The following SIPA1L3 variants were observed in gnomAD, a reference collection of about 807,000 sequenced individuals.
SIPA1L3 encodes the protein signal induced proliferation associated 1 like 3, also known as signal-induced proliferation-associated 1-like protein 3.
Under a neutral mutation model 150.1 loss-of-function variants are expected in SIPA1L3, and 59 were observed. The observed-to-expected ratio is 0.39, with a 90% CI of 0.32 to 0.49. SIPA1L3 has a LOEUF of 0.49. Ranked by LOEUF, SIPA1L3 falls within the 20% of genes least tolerant of loss-of-function variation. The probability of loss-of-function intolerance (pLI) is 0.86; values close to 1 mark genes in which losing one functional copy is unlikely to be tolerated. For missense variants in SIPA1L3, 2,211 were observed against 2,489.5 expected, an observed-to-expected ratio of 0.89 and a Z score of 2.38; for synonymous variants, 1,070 against 1,077.6, an observed-to-expected ratio of 0.99 and a Z score of 0.14.
intron 1 of SIPA1L3, among the ~76,000 whole-genome samples, chr19:37,938,624 C>CTTTTTTTTTTTTTTTTTTTTT (rs759856556): frequency 3.0e-5 from 4 of 131,274 alleles, no homozygotes; most frequent in Non-Finnish European, 4.9e-5. Context: ...TTTCTTTTTT[C>CTTTTTTTTTTTTTTTTTTTTT]TTTTTTTTTT....
At position 38,058,356 on chromosome 19, in the gene SIPA1L3, C is replaced by G. The variant is rs142594477; in HGVS notation, c.-310-22900C>G. On this transcript the variant is annotated intron_variant, in intron 2 of 21. Transcript: ENST00000222345. ...CTGGAGTGCTCATTCCTAACAGTAG[C>G]CTGGCCCCACAACCCCCATTCCCAC... 1.6e-3 allele frequency among the ~76,000 whole-genome samples: 239 copies of G among 152,220 alleles called. 1 individual carries two copies. The highest frequency in any genetic ancestry group is 5.4e-3 in the African/African-American group (224 of 41,538).
intron 1 of SIPA1L3, among the ~76,000 whole-genome samples, chr19:37,942,676 G>A (rs916868737): frequency 6.6e-6 from 1 of 152,074 alleles, no homozygotes; most frequent in African/African-American, 2.4e-5. Context: ...GGGGCAGCCT[G>A]TTTTGCAGTG....
At chr19:38,098,592 G>C (rs1349313877) in intron 4 of SIPA1L3, among the ~76,000 whole-genome samples, 3 of 151,858 alleles carry the variant, frequency 2.0e-5, no homozygotes, top group Non-Finnish European at 4.4e-5. Flanking sequence ...ACAGGGTTTT[G>C]CCATGTTGGC....
chr19:37,998,562 G>T (rs113342246), intron 1 of SIPA1L3, among the ~76,000 whole-genome samples: 3,008 of 152,254 alleles, frequency 0.02, 89 homozygotes, highest in African/African-American at 0.068. Context: ...TGGGAGGATT[G>T]CTTGAGCTCA....
chr19:38,008,444 G>A (rs1418043937), intron 1 of SIPA1L3, among the ~76,000 whole-genome samples: 1 of 151,884 alleles, frequency 6.6e-6, no homozygotes. Context: ...GGTCAGGCTG[G>A]TCTTGAACTC....
At chr19:37,930,186 G>A (rs373519270) in intron 1 of SIPA1L3, among the ~76,000 whole-genome samples, 12 of 151,990 alleles carry the variant, frequency 7.9e-5, no homozygotes, top group African/African-American at 2.9e-4. Context: ...CACCACACCC[G>A]GCTATTTTGT....
rs1484785666 is a variant in SIPA1L3 at position 38,197,483 on chromosome 19, C to A, written c.4841-906C>A. The stretch of plus-strand genomic sequence containing the variant: ...GCGTGTCATACCTGAACCTGCCCCC[C>A]CACGGCAACCCCACCCCGTGTAAAC... On this transcript the variant is annotated intron_variant, in intron 18 of 21. Coordinates refer to ENST00000222345, the MANE Select transcript of SIPA1L3 (RefSeq NM_015073.3). Among the ~76,000 whole-genome samples the A allele has an allele frequency of 3.9e-5, 6 of 152,068 alleles. 1 individual carries two copies. In the South Asian group the frequency reaches 1.0e-3, roughly 26 times the overall value.
At position 38,003,249 on chromosome 19, in the gene SIPA1L3, C is replaced by T. The variant is rs536927921; in HGVS notation, c.-378-25840C>T. On this transcript the variant is annotated intron_variant, in intron 1 of 21. Transcript: ENST00000222345. ...AATGAGCAAGGCAGGCACAGCTCCT[C>T]CCTGGTGGAGCCCACAGCCAGGGAG... Among the ~76,000 whole-genome samples, 10 of 152,320 alleles carry T rather than the reference C, an allele frequency of 6.6e-5. No individual in the cohort carries two copies. In the South Asian group the frequency reaches 1.9e-3, roughly 28 times the overall value.
chr19:37,947,756 G>A (rs745766374), intron 1 of SIPA1L3, among the ~76,000 whole-genome samples: 12 of 152,196 alleles, frequency 7.9e-5, no homozygotes, highest in Non-Finnish European at 1.2e-4. Flanking sequence ...GCAGAGCCTG[G>A]CTGGAAATAT....
At position 38,152,999 on chromosome 19, in the gene SIPA1L3, G is replaced by A. The variant is rs372338732; in HGVS notation, c.3661+32G>A. The A allele has an allele frequency of 5.6e-5, 90 of 1,603,892 alleles. No individual in the cohort carries two copies. The Middle Eastern group carries it at 6.6e-4, about 12-fold the overall frequency. On this transcript the variant is annotated intron_variant, in intron 13 of 21. Transcript: ENST00000222345. ...CCCCCACCAGCTGCTGCGCCCACCC[G>A]CCTGCCTCACTCCGCAGGACCTCTT...
chr19:37,960,047 G>A lies in SIPA1L3; in HGVS notation c.-379+52689G>A, dbSNP rs562204409. 8.6e-5 allele frequency among the ~76,000 whole-genome samples: 13 copies of A among 151,810 alleles called. No individual in the cohort carries two copies. In the East Asian group the frequency reaches 1.9e-3, roughly 23 times the overall value. ...AAATCTTACATCTTTTAAATCAGTC[G>A]AGAAGAAAAGAAAAAATGTATTTAT... On this transcript the variant is annotated intron_variant, in intron 1 of 21. Transcript: ENST00000222345.
chr19:38,157,382 G>T (rs911872160), intron 13 of SIPA1L3, among the ~76,000 whole-genome samples: 1 of 152,170 alleles, frequency 6.6e-6, no homozygotes, highest in Non-Finnish European at 1.5e-5. Context: ...TAGAGAGGAG[G>T]ACGATGAGGC....
At chr19:37,983,223 T>C (rs1032533158) in intron 1 of SIPA1L3, among the ~76,000 whole-genome samples, 1 of 152,188 alleles carries the variant, frequency 6.6e-6, no homozygotes, top group Non-Finnish European at 1.5e-5. Flanking sequence ...AAATGCCACA[T>C]CTGGGCTAGA....
At chr19:38,087,017 T>C (rs988165241) in intron 3 of SIPA1L3, among the ~76,000 whole-genome samples, 4 of 152,210 alleles carry the variant, frequency 2.6e-5, no homozygotes, top group African/African-American at 9.6e-5. Flanking sequence ...GATGTCCAGA[T>C]ATTGAGGATA....
At chr19:38,063,881 G>C (rs962776405) in intron 2 of SIPA1L3, among the ~76,000 whole-genome samples, 5 of 152,240 alleles carry the variant, frequency 3.3e-5, no homozygotes, top group African/African-American at 1.2e-4. Context: ...CCTGCGGCTT[G>C]ATCATGAGCC....
At chr19:38,181,768 C>T (rs1972557928) in intron 15 of SIPA1L3, among the ~76,000 whole-genome samples, 2 of 151,378 alleles carry the variant, frequency 1.3e-5, no homozygotes, top group Admixed American at 1.3e-4. Context: ...ATCGCTTGAA[C>T]CCGAGAGACT....
intron 15 of SIPA1L3, among the ~76,000 whole-genome samples, chr19:38,179,907 A>G (rs905224055): frequency 3.3e-5 from 5 of 151,978 alleles, no homozygotes; most frequent in African/African-American, 7.3e-5. Flanking sequence ...CAGTGGCGCA[A>G]TCTCAGCTCA....
At chr19:38,034,939 G>A (rs568150984) in intron 2 of SIPA1L3, among the ~76,000 whole-genome samples, 5 of 152,302 alleles carry the variant, frequency 3.3e-5, no homozygotes, top group Non-Finnish European at 7.4e-5. Context: ...GGGATGCAGT[G>A]GTGACTGGAC....
chr19:38,127,051 G>T (rs1744152722), intron 9 of SIPA1L3, among the ~76,000 whole-genome samples: 1 of 152,124 alleles, frequency 6.6e-6, no homozygotes, highest in African/African-American at 2.4e-5. Flanking sequence ...AATTAGCTGG[G>T]TGTGGTGGCG....
Sources: gnomAD v4.1 joint callset for allele counts (sites outside exome capture counted in the v4.1 genomes callset) on GRCh38, gnomAD v4.1.1 for gene constraint, MANE v1.5 for transcripts, NCBI Gene and HGNC (gene_info 2026-07-23, HGNC 2026-07-21) for gene names.